The following PTGR1 variants were observed in gnomAD, a reference collection of about 807,000 sequenced individuals.
PTGR1 encodes the protein 15-oxoprostaglandin 13-reductase.
In PTGR1, 23 loss-of-function variants were observed where a neutral mutation model predicts 37.7. The ratio of observed to expected loss-of-function variants is 0.61; its 90% CI spans 0.44 to 0.86. The LOEUF is 0.86. Among genes scored for constraint, PTGR1 ranks in the 40% least tolerant of loss-of-function variants. The pLI, the probability that PTGR1 is intolerant of heterozygous loss-of-function variation, is 0.00. For missense variants in PTGR1, 351 were observed against 394.3 expected, an observed-to-expected ratio of 0.89 and a Z score of 0.93; for synonymous variants, 134 against 140.0, an observed-to-expected ratio of 0.96 and a Z score of 0.30.
At chr9:111,594,419 C>T (rs2132441260) in intron 2 of PTGR1, 152 bp from the exon 3 acceptor site, 2 of 677,160 alleles carry the variant, frequency 3.0e-6, no homozygotes, top group East Asian at 5.5e-5. Flanking sequence ...GTGACAGGAT[C>T]ATTCGTACAC....
chr9:111,560,218 C>T (rs983613858), downstream of PTGR1, among the ~76,000 whole-genome samples: 7 of 151,634 alleles, frequency 4.6e-5, no homozygotes, highest in Non-Finnish European at 8.8e-5. Flanking sequence ...TGGTGGCTCA[C>T]GCCTGTAATC....
chr9:111,576,465 A>C (rs755455765), intron 7 of PTGR1: 68 of 1,612,680 alleles, frequency 4.2e-5, no homozygotes, highest in Non-Finnish European at 5.7e-5. Flanking sequence ...TGACCAGAGG[A>C]TGGGGCCACT....
chr9:111,585,937 C>G lies in PTGR1; in HGVS notation c.377+61G>C. On this transcript the variant is annotated intron_variant, in intron 5 of 9. Coordinates refer to ENST00000407693, the MANE Select transcript of PTGR1 (RefSeq NM_001146108.2). Reference sequence around the variant, plus strand: ...TCCTGTTGACCAAGTTCTGAACAAACCATTTTGGAAAATCAGAGTGTCAGA... The same window carrying G: ...TCCTGTTGACCAAGTTCTGAACAAAGCATTTTGGAAAATCAGAGTGTCAGA... The G allele has an allele frequency of 1.9e-6, 3 of 1,589,870 alleles. No homozygotes were observed. The South Asian group carries it at 3.4e-5, about 18-fold the overall frequency.
chr9:111,577,136 A>AT (rs1006988138), intron 7 of PTGR1: 2 of 152,194 alleles, frequency 1.3e-5, no homozygotes, highest in African/African-American at 4.8e-5. Context: ...TAGTTCAAAA[A>AT]TGGGCAAAGA....
In PTGR1 at chr9:111,564,279, T is replaced by C. The variant is rs1828450958; in HGVS notation, c.880-1048A>G. The C allele has an allele frequency of 2.0e-5, 4 of 200,456 alleles. No homozygotes were observed. In the South Asian group the frequency reaches 6.4e-4, roughly 32 times the overall value. The allele number at this position is 200,456 out of a possible 1,614,324, so 12.4% of individuals were successfully genotyped here. Reference sequence around the variant, plus strand: ...GTAGGGAAGCTGAAATTTAAACTTTTATTATTATTATTATTATTATTATTA... The same window carrying C: ...GTAGGGAAGCTGAAATTTAAACTTTCATTATTATTATTATTATTATTATTA... On this transcript the variant is annotated intron_variant, in intron 9 of 9. Transcript: ENST00000407693.
rs913381102 is a variant in PTGR1, at chr9:111,562,743, C to T, written c.*378G>A. 2 of 186,940 alleles carry T rather than the reference C, an allele frequency of 1.1e-5. No individual in the cohort carries two copies. Among genetic ancestry groups the T allele is most frequent in the African/African-American group, 2.3e-5 (1 of 42,580 alleles). The allele number at this position is 186,940 out of a possible 1,614,324, so 11.6% of individuals were successfully genotyped here. On this transcript the variant is annotated 3_prime_UTR_variant, in exon 10 of 10. Coordinates refer to ENST00000407693, the MANE Select transcript of PTGR1 (RefSeq NM_001146108.2). The stretch of plus-strand genomic sequence containing the variant: ...CATTAGCTATTTATCCTGATGCTCT[C>T]CCTCCCTCACCCCGGCTTCCACAGG...
chr9:111,564,813 T>C (rs1470989816), intron 9 of PTGR1, among the ~76,000 whole-genome samples: 2 of 151,898 alleles, frequency 1.3e-5, no homozygotes, highest in East Asian at 3.9e-4. Flanking sequence ...TATTTGGAGA[T>C]AGGGCTTTTT....
chr9:111,594,709 C>T (rs1040794480), intron 2 of PTGR1, among the ~76,000 whole-genome samples: 19 of 151,648 alleles, frequency 1.3e-4, no homozygotes, highest in African/African-American at 3.9e-4. Flanking sequence ...TGCCTCACAA[C>T]GCCCAGCTAA....
rs1275131432 is a variant in PTGR1, at chr9:111,597,377, A to G, written c.46T>C (p.Tyr16His). 9 of 1,613,690 alleles carry G rather than the reference A, an allele frequency of 5.6e-6. No individual in the cohort carries two copies. Among genetic ancestry groups the G allele is most frequent in the Non-Finnish European group, 6.8e-6 (8 of 1,179,850 alleles). ...TWTLKKHFVGYPTNSDFELKT... is the reference protein window; with the variant it reads ...TWTLKKHFVGHPTNSDFELKT... Reference sequence around the variant, plus strand: ...AACTCAAAGTCACTATTAGTAGGATAGCCAACAAAGTGCTTCTTCAGGGTC... The same window carrying G: ...AACTCAAAGTCACTATTAGTAGGATGGCCAACAAAGTGCTTCTTCAGGGTC... The change falls in exon 2 of 10, where the codon TAT (tyrosine) becomes CAT (histidine). Residue 16 changes from tyrosine (Y) to histidine (H), a missense_variant. Physicochemically the swap from Tyr to His is moderately conservative, Grantham distance 83. Transcript: ENST00000407693.
At chr9:111,574,881 A>G (rs1405912852) in intron 7 of PTGR1, 39 bp from the exon 8 acceptor site, 1 of 1,437,634 alleles carries the variant, frequency 7.0e-7, no homozygotes, top group Non-Finnish European at 9.7e-7. Flanking sequence ...AATAATCTAA[A>G]TACTAGAGAT....
intron 6 of PTGR1, 100 bp from the exon 7 acceptor site, chr9:111,579,051 T>C: frequency 2.6e-6 from 3 of 1,162,682 alleles, no homozygotes; most frequent in Non-Finnish European, 3.5e-6. Flanking sequence ...CTAGGAACAC[T>C]CTCTTAGGTG....
intron 7 of PTGR1, among the ~76,000 whole-genome samples, chr9:111,575,930 A>G (rs1196130125): frequency 1.3e-5 from 2 of 152,096 alleles, no homozygotes; most frequent in African/African-American, 2.4e-5. Context: ...TTCATGCTTC[A>G]AAGAATACCA....
chr9:111,567,174 T>G (rs941742385), intron 9 of PTGR1, among the ~76,000 whole-genome samples: 2 of 152,162 alleles, frequency 1.3e-5, no homozygotes, highest in South Asian at 2.1e-4. Flanking sequence ...ATTTAAAAAC[T>G]TGCCTCACCT....
chr9:111,559,561 T>G (rs974881044), downstream of PTGR1, among the ~76,000 whole-genome samples: 1 of 151,670 alleles, frequency 6.6e-6, no homozygotes, highest in African/African-American at 2.4e-5. Flanking sequence ...GCCCAACCCC[T>G]CCTTCTTCCT....
intron 7 of PTGR1, chr9:111,576,521 G>A: frequency 4.8e-6 from 7 of 1,463,368 alleles, no homozygotes; most frequent in Non-Finnish European, 5.6e-6. Context: ...GCTGGATGGA[G>A]TATGAATCCC....
intron 4 of PTGR1, among the ~76,000 whole-genome samples, chr9:111,586,614 T>A (rs1829435438): frequency 6.6e-6 from 1 of 151,946 alleles, no homozygotes; most frequent in South Asian, 2.1e-4. Context: ...CTCCCCTAGC[T>A]CCTTGCCCCT....
intron 9 of PTGR1, among the ~76,000 whole-genome samples, chr9:111,553,383 A>T (rs1206561867): frequency 6.6e-6 from 1 of 152,144 alleles, no homozygotes; most frequent in Non-Finnish European, 1.5e-5. Context: ...TCATTTTTTT[A>T]ACCTAGAAAA....
intron 4 of PTGR1, among the ~76,000 whole-genome samples, chr9:111,586,799 C>CTATA (rs1389669780): frequency 8.1e-5 from 12 of 148,044 alleles, no homozygotes; most frequent in African/African-American, 2.7e-4. Flanking sequence ...CTCTCTCTCT[C>CTATA]TCTCTATATA....
chr9:111,595,871 G>A (rs1040056830), intron 2 of PTGR1, among the ~76,000 whole-genome samples: 1 of 151,948 alleles, frequency 6.6e-6, no homozygotes, highest in Non-Finnish European at 1.5e-5. Flanking sequence ...CTGACCTTGT[G>A]ATCTGCCTGC....
Sources: gnomAD v4.1 joint callset for allele counts (sites outside exome capture counted in the v4.1 genomes callset) on GRCh38, gnomAD v4.1.1 for gene constraint, MANE v1.5 for transcripts, NCBI Gene and HGNC (gene_info 2026-07-23, HGNC 2026-07-21) for gene names.